PTCHD4: variants seen among roughly 807,000 people sequenced by gnomAD.
The protein encoded by PTCHD4 is patched domain-containing protein 4.
A neutral mutation model predicts 58.1 loss-of-function variants in PTCHD4; 33 were observed. The observed-to-expected ratio is 0.57, with a 90% CI of 0.43 to 0.76. The LOEUF is 0.76. PTCHD4 is among the 30% of genes least tolerant of loss of function. The probability of loss-of-function intolerance (pLI) is 0.00; values close to 1 mark genes in which losing one functional copy is unlikely to be tolerated. For missense variants in PTCHD4, 1,058 were observed against 1,027.1 expected (o/e 1.03, Z -0.41); for synonymous variants, 478 against 409.6 (o/e 1.17, Z -2.02).
intron 1 of PTCHD4, among the ~76,000 whole-genome samples, chr6:48,095,784 T>C (rs1269357591): frequency 6.6e-6 from 1 of 150,748 alleles, no homozygotes; most frequent in Non-Finnish European, 1.5e-5. Context: ...AACGAAGATG[T>C]GAGTGAAATT....
rs1259656567 is a variant in PTCHD4 at position 47,869,184 on chromosome 6, T to C, written c.*9119A>G. On this transcript the variant is annotated 3_prime_UTR_variant, in exon 5 of 5. Transcript: ENST00000339488. The stretch of plus-strand genomic sequence containing the variant: ...TTCATCAAAATACAGTGGACTTGGA[T>C]ATTGAAATATTTAACATGATTGGTT... Among the ~76,000 whole-genome samples, 1 of 151,742 alleles carries C rather than the reference T, an allele frequency of 6.6e-6. No homozygotes were observed. Among genetic ancestry groups the C allele is most frequent in the Non-Finnish European group, 1.5e-5 (1 of 67,796 alleles).
At position 47,858,082 on chromosome 6, in the gene PTCHD4, T is replaced by A. The variant is rs1487625726; in HGVS notation, c.*20221A>T. ...TTCCACCATCTATGGACATTTGAATTTGAGTGTTGTCCATGTACTTCCTTG... is the reference window on the plus strand; with the variant it reads ...TTCCACCATCTATGGACATTTGAATATGAGTGTTGTCCATGTACTTCCTTG... On this transcript the variant is annotated 3_prime_UTR_variant, in exon 5 of 5. Transcript: ENST00000339488. Among the ~76,000 whole-genome samples, 1 of 151,998 alleles carries A rather than the reference T, an allele frequency of 6.6e-6. No homozygotes were observed. The highest frequency in any genetic ancestry group is 2.4e-5 in the African/African-American group (1 of 41,412).
intron 3 of PTCHD4, among the ~76,000 whole-genome samples, chr6:48,029,852 T>G (rs901040318): frequency 1.3e-5 from 2 of 152,126 alleles, no homozygotes; most frequent in Non-Finnish European, 2.9e-5. Flanking sequence ...GAAACTAAGG[T>G]TGACTTTATG....
At chr6:47,944,712 T>C (rs1300101194) in intron 4 of PTCHD4, among the ~76,000 whole-genome samples, 3 of 152,112 alleles carry the variant, frequency 2.0e-5, no homozygotes, top group Non-Finnish European at 2.9e-5. Flanking sequence ...CTGTTTGCAA[T>C]GAAACTTGGG....
chr6:47,947,984 G>T (rs560919266), intron 4 of PTCHD4, among the ~76,000 whole-genome samples: 3 of 152,154 alleles, frequency 2.0e-5, no homozygotes, highest in Non-Finnish European at 4.4e-5. Context: ...TCAAAGTGCA[G>T]TGTTCAATAA....
intron 4 of PTCHD4, among the ~76,000 whole-genome samples, chr6:48,000,022 C>T (rs1343659371): frequency 6.6e-6 from 1 of 152,146 alleles, no homozygotes; most frequent in East Asian, 1.9e-4. Flanking sequence ...GAAGTAACTG[C>T]ATCACTTCTG....
chr6:48,007,293 A>G (rs2753192), intron 4 of PTCHD4, among the ~76,000 whole-genome samples: 107,095 of 152,066 alleles, frequency 0.7, 37,779 homozygotes, highest in East Asian at 0.84. Flanking sequence ...ACATGGCCAC[A>G]ATGATATTGA....
At chr6:47,917,001 T>C (rs1765279050) in intron 4 of PTCHD4, among the ~76,000 whole-genome samples, 1 of 152,068 alleles carries the variant, frequency 6.6e-6, no homozygotes, top group Non-Finnish European at 1.5e-5. Flanking sequence ...TCTATAGAGA[T>C]TCATTCTCTA....
rs1478460571 is a variant in PTCHD4 at position 47,867,915 on chromosome 6, C to T, written c.*10388G>A. Among the ~76,000 whole-genome samples, 4 of 151,708 alleles carry T rather than the reference C, an allele frequency of 2.6e-5. No homozygotes were observed. Among genetic ancestry groups the T allele is most frequent in the African/African-American group, 2.4e-5 (1 of 41,368 alleles). ...TATGAGGTAAGTAAATAGGTACAATCACAAGCCATCTAGGGGTACTTCAGA... is the reference window on the plus strand; with the variant it reads ...TATGAGGTAAGTAAATAGGTACAATTACAAGCCATCTAGGGGTACTTCAGA... On this transcript the variant is annotated 3_prime_UTR_variant, in exon 5 of 5. Coordinates refer to ENST00000339488, the MANE Select transcript of PTCHD4 (RefSeq NM_001384253.1).
chr6:47,894,701 G>A (rs1764481168), intron 4 of PTCHD4, among the ~76,000 whole-genome samples: 1 of 152,244 alleles, frequency 6.6e-6, no homozygotes, highest in South Asian at 2.1e-4. Context: ...GAAGCTATCA[G>A]TAGAAATGAA....
intron 4 of PTCHD4, among the ~76,000 whole-genome samples, chr6:47,996,435 A>G (rs1768489695): frequency 1.3e-5 from 1 of 76,634 alleles, no homozygotes; most frequent in Admixed American, 1.5e-4. Flanking sequence ...ACATTGCAGC[A>G]CTGCTCCCCA....
At position 47,861,951 on chromosome 6, in the gene PTCHD4, TC is replaced by T. The variant is rs1763438241; in HGVS notation, c.*16351del. ...TAGTTCCTAGGTAACTGTCCATATTTCCTGTTATCGAAAAAGTTCTTCCAAT... is the reference window on the plus strand; with the variant it reads ...TAGTTCCTAGGTAACTGTCCATATTTCTGTTATCGAAAAAGTTCTTCCAAT... On this transcript the variant is annotated 3_prime_UTR_variant, in exon 5 of 5. Coordinates refer to ENST00000339488, the MANE Select transcript of PTCHD4 (RefSeq NM_001384253.1). 6.6e-6 allele frequency among the ~76,000 whole-genome samples: 1 copy of T among 151,866 alleles called. No homozygotes were observed. Among genetic ancestry groups the T allele is most frequent in the Non-Finnish European group, 1.5e-5 (1 of 67,852 alleles).
rs1271549193 is a variant in PTCHD4 at position 47,878,823 on chromosome 6, A to C, written c.2012T>G (p.Leu671Arg). The C allele has an allele frequency of 6.2e-7, 1 of 1,613,730 alleles. No individual in the cohort carries two copies. Among genetic ancestry groups the C allele is most frequent in the South Asian group, 1.1e-5 (1 of 91,086 alleles). ...AGGGTGGATCACTAGGAAAAAAGTC[A>C]GGATTAACACCAGGAGAACACCAAA... ...AGFGVLLVLI[L>R]TFFLVIHPLG... The change falls in exon 5 of 5, where the codon CTG (leucine) becomes CGG (arginine). Residue 671 changes from leucine to arginine, a missense_variant. Leu to Arg is a moderately radical substitution (Grantham distance 102). Transcript: ENST00000339488.
At position 47,859,587 on chromosome 6, in the gene PTCHD4, C is replaced by A. The variant is rs76334524; in HGVS notation, c.*18716G>T. ...TGTCAAATATTTATTGAATGCCTAA[C>A]ATGTGCCTGGCACCCTTCAGGGTAC... On this transcript the variant is annotated 3_prime_UTR_variant, in exon 5 of 5. Coordinates refer to ENST00000339488, the MANE Select transcript of PTCHD4 (RefSeq NM_001384253.1). 6.6e-6 allele frequency among the ~76,000 whole-genome samples: 1 copy of A among 151,930 alleles called. No homozygotes were observed. Among genetic ancestry groups the A allele is most frequent in the Non-Finnish European group, 1.5e-5 (1 of 67,970 alleles).
At position 48,107,120 on chromosome 6, in the gene PTCHD4, C is replaced by CA. The variant is rs573217452; in HGVS notation, c.-970+3928dup. Reference sequence around the variant, plus strand: ...AACTACTTTAAAGTTCATATGGAACCAAAAAAGAGCCCACATCACCAAGTC... The same window carrying CA: ...AACTACTTTAAAGTTCATATGGAACCAAAAAAAGAGCCCACATCACCAAGTC... On this transcript the variant is annotated intron_variant, in intron 1 of 4. Coordinates refer to ENST00000339488, the MANE Select transcript of PTCHD4 (RefSeq NM_001384253.1). Among the ~76,000 whole-genome samples, 903 of 152,074 alleles carry CA rather than the reference C, an allele frequency of 5.9e-3. 8 individuals are homozygous for CA. The highest frequency in any genetic ancestry group is 0.02 in the African/African-American group (845 of 41,470).
rs70999653 is a variant in PTCHD4, at chr6:47,905,043, TCACACACA to T, written c.899-25115_899-25108del. 3.2e-3 allele frequency among the ~76,000 whole-genome samples: 417 copies of T among 131,650 alleles called. 2 individuals carry two copies. The highest frequency in any genetic ancestry group is 6.9e-3 in the South Asian group (26 of 3,772). The allele number at this position is 131,650 out of a possible 152,430, so 86.4% of individuals were successfully genotyped here. Reference sequence around the variant, plus strand: ...AAGAACTAGGAAGAAAATACAGCCATCACACACACACACACACACACACACACACACAC... The same window carrying T: ...AAGAACTAGGAAGAAAATACAGCCATCACACACACACACACACACACACAC... On this transcript the variant is annotated intron_variant, in intron 4 of 4. Transcript: ENST00000339488.
At chr6:47,933,813 C>A (rs16876842) in intron 4 of PTCHD4, among the ~76,000 whole-genome samples, 16,558 of 152,056 alleles carry the variant, frequency 0.11, 923 homozygotes, top group Middle Eastern at 0.14. Context: ...CTGTTTTAAA[C>A]AATAACTGAA....
At chr6:47,964,032 A>G (rs1767196977) in intron 4 of PTCHD4, among the ~76,000 whole-genome samples, 1 of 152,176 alleles carries the variant, frequency 6.6e-6, no homozygotes, top group South Asian at 2.1e-4. Context: ...ATACTGTTGC[A>G]TGAGGATAAT....
At chr6:48,003,197 A>G (rs1038530262) in intron 4 of PTCHD4, among the ~76,000 whole-genome samples, 2 of 152,132 alleles carry the variant, frequency 1.3e-5, no homozygotes, top group Non-Finnish European at 2.9e-5. Flanking sequence ...ATGGTTTTCA[A>G]TATTAGCTAT....
Sources: gnomAD v4.1 joint callset for allele counts (sites outside exome capture counted in the v4.1 genomes callset) on GRCh38, gnomAD v4.1.1 for gene constraint, MANE v1.5 for transcripts, NCBI Gene and HGNC (gene_info 2026-07-23, HGNC 2026-07-21) for gene names.